NCOA3: variants seen among roughly 807,000 people sequenced by gnomAD.
The protein encoded by NCOA3 is CBP-interacting protein.
Under a neutral mutation model 158.8 loss-of-function variants are expected in NCOA3, and 51 were observed. The ratio of observed to expected loss-of-function variants is 0.32; its 90% CI spans 0.26 to 0.41. The LOEUF is 0.41. Ranked by LOEUF, NCOA3 falls within the 10% of genes least tolerant of loss-of-function variation. The pLI is 1.00. For missense variants in NCOA3, 1,510 were observed against 1,746.6 expected, an observed-to-expected ratio of 0.86 and a Z score of 2.41; for synonymous variants, 537 against 592.4, an observed-to-expected ratio of 0.91 and a Z score of 1.36.
At chr20:47,554,541 CA>C (rs1486228631) in intron 1 of NCOA3, among the ~76,000 whole-genome samples, 13 of 150,708 alleles carry the variant, frequency 8.6e-5, no homozygotes, top group African/African-American at 3.2e-4. Context: ...GCAAAAATCA[CA>C]AGCATTCTTA....
chr20:47,530,727 A>C (rs1315729471), intron 1 of NCOA3, among the ~76,000 whole-genome samples: 1 of 152,166 alleles, frequency 6.6e-6, no homozygotes, highest in Admixed American at 6.5e-5. Flanking sequence ...GGTCTCTCAA[A>C]GTGCTGGGAT....
chr20:47,506,080 C>G (rs2084028031), intron 1 of NCOA3, among the ~76,000 whole-genome samples: 1 of 152,144 alleles, frequency 6.6e-6, no homozygotes, highest in Non-Finnish European at 1.5e-5. Flanking sequence ...GCTGGGGTTA[C>G]AGGCGTGAGC....
chr20:47,514,936 C>T (rs570346523), intron 1 of NCOA3, among the ~76,000 whole-genome samples: 15 of 151,568 alleles, frequency 9.9e-5, no homozygotes, highest in Admixed American at 5.3e-4. Flanking sequence ...GCACTTGCCT[C>T]AGCCTCCCAA....
intron 1 of NCOA3, among the ~76,000 whole-genome samples, chr20:47,580,061 T>C (rs2085426765): frequency 6.6e-6 from 1 of 152,206 alleles, no homozygotes; most frequent in Admixed American, 6.5e-5. Context: ...CATCTGGGCA[T>C]GCTGACTTTA....
At chr20:47,616,048 C>G (rs965150807) in intron 2 of NCOA3, among the ~76,000 whole-genome samples, 5 of 151,646 alleles carry the variant, frequency 3.3e-5, no homozygotes, top group African/African-American at 1.2e-4. Context: ...GTCCCAGCTA[C>G]TCAGGAGGCT....
chr20:47,516,513 AG>A (rs529179634), intron 1 of NCOA3, among the ~76,000 whole-genome samples: 165 of 152,320 alleles, frequency 1.1e-3, no homozygotes, highest in African/African-American at 3.8e-3. Context: ...ATACACACAT[AG>A]AATTAGAAAG....
At chr20:47,505,575 T>A (rs967923988) in intron 1 of NCOA3, among the ~76,000 whole-genome samples, 21 of 152,100 alleles carry the variant, frequency 1.4e-4, no homozygotes, top group African/African-American at 2.4e-5. Context: ...TTGAAGAGAT[T>A]ACCTGTAGCA....
At chr20:47,584,034 A>G (rs1265792242) in intron 2 of NCOA3, among the ~76,000 whole-genome samples, 2 of 152,160 alleles carry the variant, frequency 1.3e-5, no homozygotes, top group African/African-American at 2.4e-5. Flanking sequence ...TATGCTCACA[A>G]CTATGATCCT....
chr20:47,644,139 G>A (rs1047468891), intron 17 of NCOA3, among the ~76,000 whole-genome samples: 9 of 149,184 alleles, frequency 6.0e-5, no homozygotes, highest in African/African-American at 2.2e-4. Flanking sequence ...CATTAAATTC[G>A]TTCTATTTTT....
intron 2 of NCOA3, among the ~76,000 whole-genome samples, chr20:47,586,170 C>T (rs180933514): frequency 4.6e-5 from 7 of 152,090 alleles, no homozygotes; most frequent in South Asian, 2.1e-4. Flanking sequence ...CTACCTGCCT[C>T]GGCCTCCCAA....
intron 1 of NCOA3, among the ~76,000 whole-genome samples, chr20:47,517,509 GGT>G (rs2084255341): frequency 1.4e-5 from 2 of 143,784 alleles, no homozygotes; most frequent in South Asian, 4.3e-4. Context: ...GGAGTGCAGT[GGT>G]ACGATCTTGG....
intron 2 of NCOA3, among the ~76,000 whole-genome samples, chr20:47,591,732 G>A (rs2085644122): frequency 6.7e-6 from 1 of 148,678 alleles, no homozygotes; most frequent in African/African-American, 2.5e-5. Flanking sequence ...CTGTGGTGTT[G>A]TAACCTCCTC....
chr20:47,508,566 T>C (rs2084064954), intron 1 of NCOA3, among the ~76,000 whole-genome samples: 1 of 152,190 alleles, frequency 6.6e-6, no homozygotes, highest in East Asian at 1.9e-4. Flanking sequence ...ACTTTTGGAG[T>C]AAATATTCTT....
intron 1 of NCOA3, among the ~76,000 whole-genome samples, chr20:47,522,714 C>CATA (rs1190640880): frequency 1.3e-5 from 2 of 151,876 alleles, no homozygotes; most frequent in Non-Finnish European, 2.9e-5. Flanking sequence ...GTTCTACACA[C>CATA]GTGGGGATAT....
At chr20:47,611,949 C>T (rs1281879545) in intron 2 of NCOA3, among the ~76,000 whole-genome samples, 4 of 152,086 alleles carry the variant, frequency 2.6e-5, no homozygotes, top group Admixed American at 6.5e-5. Context: ...CTCAGCCTCC[C>T]GAGTAGCTGC....
intron 1 of NCOA3, among the ~76,000 whole-genome samples, chr20:47,539,847 G>T (rs542798363): frequency 6.6e-6 from 1 of 152,250 alleles, no homozygotes; most frequent in African/African-American, 2.4e-5. Context: ...TACTGGGAAA[G>T]AAAATGTAAA....
chr20:47,569,736 C>T (rs907703633), intron 1 of NCOA3, among the ~76,000 whole-genome samples: 13 of 151,170 alleles, frequency 8.6e-5, no homozygotes, highest in South Asian at 6.3e-4. Context: ...CATGGCTGGG[C>T]GCAGTGGCTC....
chr20:47,585,282 A>G (rs1602440364), intron 2 of NCOA3, among the ~76,000 whole-genome samples: 1 of 152,036 alleles, frequency 6.6e-6, no homozygotes, highest in Admixed American at 6.6e-5. Context: ...CCTGGCCTCA[A>G]GTGACGTGCC....
At chr20:47,515,468 CTTTCTTTTTTTTTTTTTTT>C (rs1433891492) in intron 1 of NCOA3, among the ~76,000 whole-genome samples, 10 of 143,146 alleles carry the variant, frequency 7.0e-5, no homozygotes, top group East Asian at 4.0e-4. Flanking sequence ...CTTTTTCTTT[CTTTCTTTTTTTTTTTTTTT>C]TTTCTTTTTT....
Sources: allele counts gnomAD v4.1 joint callset (sites outside exome capture counted in the v4.1 genomes callset), GRCh38; gene constraint gnomAD v4.1.1; transcripts MANE v1.5; gene names NCBI Gene and HGNC (gene_info 2026-07-23, HGNC 2026-07-21).